The following PGBD5 variants were observed in gnomAD, a reference collection of about 807,000 sequenced individuals.
PGBD5 encodes the protein piggyBac transposable element derived 5, also known as piggyBac transposable element-derived protein 5.
PGBD5 carries 14 observed loss-of-function variants against 47.9 expected under a neutral mutation model. That is an observed-to-expected ratio of 0.29 (90% CI 0.19 to 0.46). The LOEUF is 0.46. Among genes scored for constraint, PGBD5 ranks in the 20% least tolerant of loss-of-function variants. The pLI is 1.00. For missense variants in PGBD5, 635 were observed against 716.0 expected, an observed-to-expected ratio of 0.89 and a Z score of 1.29; for synonymous variants, 316 against 306.3, an observed-to-expected ratio of 1.03 and a Z score of -0.33.
chr1:230,332,568 C>T (rs1667236981), intron 5 of PGBD5, among the ~76,000 whole-genome samples: 1 of 152,188 alleles, frequency 6.6e-6, no homozygotes, highest in Non-Finnish European at 1.5e-5. Flanking sequence ...CATTATCATA[C>T]CCCGTGGTGG....
chr1:230,331,599 T>C (rs1667216423), intron 5 of PGBD5, among the ~76,000 whole-genome samples: 1 of 151,770 alleles, frequency 6.6e-6, no homozygotes, highest in Non-Finnish European at 1.5e-5. Context: ...TCCTTCTTCA[T>C]CTCCTTTCTT....
rs1233710383 is a variant in PGBD5, at chr1:230,325,244, T to C, written c.1379+66A>G. 4.3e-6 allele frequency: 5 copies of C among 1,176,022 alleles called. No homozygotes were observed. The East Asian group carries it at 1.2e-4, about 28-fold the overall frequency. 72.8% of individuals were successfully genotyped at this position (1,176,022 alleles called of 1,614,324 possible). On this transcript the variant is annotated intron_variant, in intron 6 of 6. Transcript: ENST00000391860. ...TGGGGAAACTAGTGATCATCTGCCA[T>C]TACATCTCTTCCGAGACGGCACAAC...
intron 1 of PGBD5, among the ~76,000 whole-genome samples, chr1:230,414,804 T>C (rs1657482397): frequency 6.6e-6 from 1 of 152,202 alleles, no homozygotes; most frequent in Admixed American, 6.5e-5. Flanking sequence ...TTACGTCAGA[T>C]AAGGAAGGAG....
At chr1:230,369,622 CTGTG>C (rs1558202385) in intron 1 of PGBD5, among the ~76,000 whole-genome samples, 13 of 150,706 alleles carry the variant, frequency 8.6e-5, no homozygotes, top group East Asian at 7.8e-4. Context: ...TACTCCGTGT[CTGTG>C]TGTGTGCTGG....
At chr1:230,333,815 G>A (rs895402354) in intron 4 of PGBD5, among the ~76,000 whole-genome samples, 1 of 152,190 alleles carries the variant, frequency 6.6e-6, no homozygotes, top group African/African-American at 2.4e-5. Flanking sequence ...GCTGGTGGGC[G>A]GTAGAGACCA....
chr1:230,356,578 C>T (rs77311996), intron 2 of PGBD5, among the ~76,000 whole-genome samples: 4,189 of 152,200 alleles, frequency 0.028, 136 homozygotes, highest in African/African-American at 0.083. Flanking sequence ...AATTAATATT[C>T]GCCTGAGCAA....
Position 230,377,466 on chromosome 1 carries a change from G to C in PGBD5, c.332-20145C>G. ...CATGGATGAAAAGATCTCTTGCCCA[G>C]AGCTGGAAGGGCCTTACTAAGACAG... On this transcript the variant is annotated intron_variant, in intron 1 of 6. Transcript: ENST00000391860. The C allele has an allele frequency of 6.2e-6, 10 of 1,607,936 alleles. No individual in the cohort carries two copies. In the South Asian group the frequency reaches 1.1e-4, roughly 18 times the overall value.
intron 2 of PGBD5, among the ~76,000 whole-genome samples, chr1:230,352,907 T>C (rs1667579640): frequency 6.6e-6 from 1 of 152,194 alleles, no homozygotes; most frequent in Non-Finnish European, 1.5e-5. Flanking sequence ...CATCCTACTC[T>C]GTCCTCTGAG....
At chr1:230,372,162 C>G (rs1371370394) in intron 1 of PGBD5, among the ~76,000 whole-genome samples, 1 of 152,202 alleles carries the variant, frequency 6.6e-6, no homozygotes, top group Non-Finnish European at 1.5e-5. Flanking sequence ...CAGAAAAGAA[C>G]AAGCTGAAGG....
intron 1 of PGBD5, among the ~76,000 whole-genome samples, chr1:230,384,874 AC>A (rs1409818821): frequency 4.6e-5 from 7 of 152,236 alleles, no homozygotes. Flanking sequence ...TTCCAGAAAT[AC>A]TGGTGTTGGT....
At chr1:230,326,029 T>C (rs1177867105) in intron 5 of PGBD5, among the ~76,000 whole-genome samples, 1 of 152,248 alleles carries the variant, frequency 6.6e-6, no homozygotes, top group Non-Finnish European at 1.5e-5. Flanking sequence ...ATGATGGATA[T>C]GCTAATTACC....
intron 3 of PGBD5, among the ~76,000 whole-genome samples, chr1:230,347,098 T>C (rs1308155985): frequency 1.3e-5 from 2 of 152,166 alleles, no homozygotes; most frequent in Non-Finnish European, 1.5e-5. Flanking sequence ...GAAGAAAGCA[T>C]TGCCCCAGCC....
At chr1:230,404,611 CAA>C (rs747306411) in intron 1 of PGBD5, among the ~76,000 whole-genome samples, 2,247 of 100,288 alleles carry the variant, frequency 0.022, 30 homozygotes, top group African/African-American at 0.033. Context: ...AGTCTTGTCT[CAA>C]AAAAAAAAAA....
intron 1 of PGBD5, among the ~76,000 whole-genome samples, chr1:230,422,529 C>T (rs2102757188): frequency 6.6e-6 from 1 of 152,290 alleles, no homozygotes; most frequent in South Asian, 2.1e-4. Context: ...GCAGATCATG[C>T]ATCTCCACAG....
At chr1:230,336,558 A>G (rs1243758656) in intron 4 of PGBD5, among the ~76,000 whole-genome samples, 1 of 152,180 alleles carries the variant, frequency 6.6e-6, no homozygotes, top group Non-Finnish European at 1.5e-5. Flanking sequence ...ACTGGTCCAG[A>G]TCTTCTTTTT....
intron 5 of PGBD5, among the ~76,000 whole-genome samples, chr1:230,327,412 C>T (rs1417670986): frequency 2.0e-5 from 3 of 152,210 alleles, no homozygotes; most frequent in African/African-American, 7.2e-5. Context: ...TGCTTACATA[C>T]ACTGAGCCGG....
intron 1 of PGBD5, among the ~76,000 whole-genome samples, chr1:230,391,480 G>C (rs1656784299): frequency 1.3e-5 from 2 of 152,188 alleles, no homozygotes; most frequent in African/African-American, 4.8e-5. Context: ...ATGCTAAGGT[G>C]TACCTTATGT....
At chr1:230,423,104 C>T (rs767350831) in intron 1 of PGBD5, among the ~76,000 whole-genome samples, 14 of 152,100 alleles carry the variant, frequency 9.2e-5, no homozygotes, top group Non-Finnish European at 1.8e-4. Flanking sequence ...TTTACATACC[C>T]GCACATTTCC....
At chr1:230,414,072 G>A (rs1657466766) in intron 1 of PGBD5, among the ~76,000 whole-genome samples, 2 of 152,294 alleles carry the variant, frequency 1.3e-5, no homozygotes, top group South Asian at 4.1e-4. Flanking sequence ...TGTGACTTAG[G>A]TTAGTCGTTT....
Sources: gnomAD v4.1 joint callset for allele counts (sites outside exome capture counted in the v4.1 genomes callset) on GRCh38, gnomAD v4.1.1 for gene constraint, MANE v1.5 for transcripts, NCBI Gene and HGNC (gene_info 2026-07-23, HGNC 2026-07-21) for gene names.